Variants in DEFB124 observed in about 807,000 individuals in gnomAD.
DEFB124 encodes defensin beta 124.
For missense variants in DEFB124, 78 were observed against 83.1 expected (o/e 0.94, Z 0.24); for synonymous variants, 38 against 36.5 (o/e 1.04, Z -0.15).
At chr20:31,474,374 TC>T (rs1980416713) in intron 1 of DEFB124, among the ~76,000 whole-genome samples, 1 of 152,166 alleles carries the variant, frequency 6.6e-6, no homozygotes, top group Non-Finnish European at 1.5e-5. Flanking sequence ...GGGTTCTGTA[TC>T]AGCTCCAAGA....
intron 2 of DEFB124, among the ~76,000 whole-genome samples, chr20:31,468,286 C>T (rs982934694): frequency 6.6e-5 from 10 of 152,148 alleles, no homozygotes; most frequent in African/African-American, 1.2e-4. Context: ...CTACCTGGAA[C>T]GATCTTTCCT....
intron 2 of DEFB124, among the ~76,000 whole-genome samples, chr20:31,471,609 G>C (rs894324500): frequency 6.7e-6 from 1 of 149,508 alleles, no homozygotes; most frequent in Admixed American, 6.6e-5. Context: ...TCCCAGACGG[G>C]GTGGCTGCCG....
intron 1 of DEFB124, 58 bp from the exon 2 acceptor site, chr20:31,473,096 A>G (rs1980379753): frequency 3.3e-6 from 5 of 1,510,784 alleles, no homozygotes; most frequent in Non-Finnish European, 4.5e-6. Context: ...CTTCCAGCCC[A>G]GGCTTTATTG....
rs559146745 is a variant in DEFB124, at chr20:31,468,896, G to A, written c.59-3233C>T. Among the ~76,000 whole-genome samples the A allele has an allele frequency of 1.1e-3, 165 of 152,220 alleles. 1 individual carries two copies. The highest frequency in any genetic ancestry group is 3.8e-3 in the African/African-American group (156 of 41,548). On this transcript the variant is annotated intron_variant, in intron 2 of 2. Transcript: ENST00000317676. The stretch of plus-strand genomic sequence containing the variant: ...GGAGGCCAAAGCTGGAGGATTGCTT[G>A]AGGCCAAGAGTTTGAGACTAGCCTG...
rs527603925 is a variant in DEFB124 at position 31,473,570 on chromosome 20, G to C, written c.-25-532C>G. ...AGGGGACTAAATGAAGTAATACAGT[G>C]GCTCCTATACTATGGTTCCCCCAGC... On this transcript the variant is annotated intron_variant, in intron 1 of 2. Transcript: ENST00000317676. Among the ~76,000 whole-genome samples the C allele has an allele frequency of 2.6e-5, 4 of 152,156 alleles. No individual in the cohort carries two copies. The South Asian group carries it at 8.3e-4, about 32-fold the overall frequency.
Position 31,471,687 on chromosome 20 carries a change from G to C in DEFB124, c.58+1269C>G, listed in dbSNP as rs570868166. 6.1e-3 allele frequency among the ~76,000 whole-genome samples: 906 copies of C among 149,096 alleles called. 12 individuals carry two copies. Among genetic ancestry groups the C allele is most frequent in the African/African-American group, 0.021 (844 of 39,782 alleles). The stretch of plus-strand genomic sequence containing the variant: ...CGGAGGGGCTCCTCACTTCTCAGAC[G>C]GGGCGGCTGGGCAGAGACGCTCCTC... On this transcript the variant is annotated intron_variant, in intron 2 of 2. Coordinates refer to ENST00000317676, the MANE Select transcript of DEFB124 (RefSeq NM_001037500.2).
At chr20:31,471,029 A>C (rs1600568459) in intron 2 of DEFB124, among the ~76,000 whole-genome samples, 1 of 118,498 alleles carries the variant, frequency 8.4e-6, no homozygotes, top group Non-Finnish European at 1.8e-5. Context: ...TCCCTCCCGG[A>C]CGGGGCGGCT....
intron 1 of DEFB124, among the ~76,000 whole-genome samples, chr20:31,474,222 A>C: frequency 6.6e-6 from 1 of 152,248 alleles, no homozygotes; most frequent in Middle Eastern, 3.2e-3. Context: ...CTAAGGTCAC[A>C]CAGCAATTGT....
intron 2 of DEFB124, among the ~76,000 whole-genome samples, chr20:31,470,008 C>T (rs879550695): frequency 0.028 from 3,346 of 121,140 alleles, no homozygotes; most frequent in Middle Eastern, 0.096. Context: ...GGGCTCCTCA[C>T]TTCCCAGTAG....
intron 2 of DEFB124, among the ~76,000 whole-genome samples, chr20:31,472,166 C>G (rs74755815): frequency 5.3e-5 from 8 of 151,638 alleles, no homozygotes; most frequent in Admixed American, 3.9e-4. Context: ...CTCGGGAGGC[C>G]GAGGCTGGCG....
rs1457008432 is a variant in DEFB124, at chr20:31,470,793, C to G, written c.58+2163G>C. ...AGTAGGGGCGGCTGGGCAGAGGCGC[C>G]CCTCACCTCCCGGACGGGGCGGCTG... On this transcript the variant is annotated intron_variant, in intron 2 of 2. Coordinates refer to ENST00000317676, the MANE Select transcript of DEFB124 (RefSeq NM_001037500.2). Among the ~76,000 whole-genome samples the G allele has an allele frequency of 2.2e-5, 3 of 134,726 alleles. No homozygotes were observed. In the East Asian group the frequency reaches 7.3e-4, roughly 33 times the overall value. The allele number at this position is 134,726 out of a possible 152,430, so 88.4% of individuals were successfully genotyped here.
chr20:31,469,412 T>C (rs1481811185), intron 2 of DEFB124, among the ~76,000 whole-genome samples: 2 of 152,018 alleles, frequency 1.3e-5, no homozygotes, highest in African/African-American at 2.4e-5. Context: ...TGAAACTCCA[T>C]CTCAAAAAGT....
At chr20:31,470,861 G>T (rs1201805688) in intron 2 of DEFB124, among the ~76,000 whole-genome samples, 38 of 138,666 alleles carry the variant, frequency 2.7e-4, no homozygotes, top group African/African-American at 4.0e-4. Flanking sequence ...CCCGGACGGG[G>T]CGGCTGGCCG....
At chr20:31,471,178 CG>C (rs1288262343) in intron 2 of DEFB124, among the ~76,000 whole-genome samples, 5 of 133,168 alleles carry the variant, frequency 3.8e-5, no homozygotes, top group African/African-American at 1.1e-4. Context: ...GCTGGCTGGG[CG>C]GGGGGCTGAC....
intron 2 of DEFB124, among the ~76,000 whole-genome samples, chr20:31,468,202 C>T (rs995130373): frequency 2.0e-5 from 3 of 152,238 alleles, no homozygotes; most frequent in African/African-American, 7.2e-5. Context: ...CCCCCGCTAG[C>T]CACACCAACC....
chr20:31,473,860 A>G (rs1174748203), intron 1 of DEFB124, among the ~76,000 whole-genome samples: 1 of 152,244 alleles, frequency 6.6e-6, no homozygotes, highest in Non-Finnish European at 1.5e-5. Context: ...AAGCCCTCCA[A>G]GTGATTCTAA....
rs373498711 is a variant in DEFB124, at chr20:31,469,655, C to G, written c.58+3301G>C. ...ATTAGGGAGTGGTGATGATTCTTAA[C>G]GAGCATGCTGCCTTCAAGCATCTGT... On this transcript the variant is annotated intron_variant, in intron 2 of 2. Transcript: ENST00000317676. Among the ~76,000 whole-genome samples, 78 of 148,560 alleles carry G rather than the reference C, an allele frequency of 5.3e-4. 1 individual carries two copies. In the South Asian group the frequency reaches 0.015, roughly 29 times the overall value.
chr20:31,468,754 C>T (rs1004434328), intron 2 of DEFB124, among the ~76,000 whole-genome samples: 1 of 152,128 alleles, frequency 6.6e-6, no homozygotes, highest in African/African-American at 2.4e-5. Flanking sequence ...GGATTACAGG[C>T]GTGAGCCACC....
chr20:31,467,802 G>C (rs1980118662), intron 2 of DEFB124, among the ~76,000 whole-genome samples: 1 of 152,034 alleles, frequency 6.6e-6, no homozygotes. Flanking sequence ...GCCCAGGCTG[G>C]AGTGCAGTAG....
Sources: gnomAD v4.1 joint callset for allele counts (sites outside exome capture counted in the v4.1 genomes callset) on GRCh38, gnomAD v4.1.1 for gene constraint, MANE v1.5 for transcripts, NCBI Gene and HGNC (gene_info 2026-07-23, HGNC 2026-07-21) for gene names.